SKIDA1: variants seen among roughly 807,000 people sequenced by gnomAD.
SKIDA1 encodes the protein SKI/DACH domain-containing protein 1.
A neutral mutation model predicts 51.4 loss-of-function variants in SKIDA1; 18 were observed. The observed-to-expected ratio is 0.35, with a 90% CI of 0.24 to 0.52. The LOEUF (loss-of-function observed/expected upper bound fraction) is 0.52, where lower values mean the gene tolerates loss of function less well. Among genes scored for constraint, SKIDA1 ranks in the 20% least tolerant of loss-of-function variants. The pLI is 0.95. For synonymous variants in SKIDA1, 579 were observed against 500.5 expected (o/e 1.16, Z -2.09); for missense variants, 1,104 against 1,180.6 (o/e 0.94, Z 0.95).
chr10:21,522,985 G>C (rs1225287114), intron 2 of SKIDA1, among the ~76,000 whole-genome samples: 1 of 152,186 alleles, frequency 6.6e-6, no homozygotes, highest in Non-Finnish European at 1.5e-5. Context: ...ACAAATCCTA[G>C]TGGATGAGAT....
Position 21,517,431 on chromosome 10 carries a change from A to T in SKIDA1, c.392T>A (p.Phe131Tyr). Residue 131 changes from phenylalanine to tyrosine, a missense_variant, in exon 4 of 4, where the codon TTT becomes TAT. This residue lies in a region of SKIDA1 where 938 missense variants were observed against 886.4 expected (regional missense o/e 1.06). Transcript: ENST00000449193. The surrounding 1 kb of genome is among the most constrained non-coding windows in gnomAD (Gnocchi z 6.9). ...RAAAASPRPG[F>Y]WKDKHQLWRG... ...CCAAAGTTGGTGCTTGTCCTTCCAA[A>T]ATCCCGGGCGGGGGCTGGCGGCAGC... 6.7e-7 allele frequency: 1 copy of T among 1,489,084 alleles called. No individual in the cohort carries two copies. The highest frequency in any genetic ancestry group is 8.9e-7 in the Non-Finnish European group (1 of 1,125,928). The allele number at this position is 1,489,084 out of a possible 1,614,324, so 92.2% of individuals were successfully genotyped here.
At chr10:21,521,687 T>C (rs2032400169) in intron 2 of SKIDA1, among the ~76,000 whole-genome samples, 1 of 152,222 alleles carries the variant, frequency 6.6e-6, no homozygotes, top group Non-Finnish European at 1.5e-5. Context: ...TGAGTTTAAT[T>C]AAATGTGATT....
Position 21,517,443 on chromosome 10 carries a change from G to C in SKIDA1, c.380C>G (p.Pro127Arg). ...CTTGTCCTTCCAAAATCCCGGGCGG[G>C]GGCTGGCGGCAGCGGCGCGCTCTGG... ...PPPERAAAASPRPGFWKDKHQ... is the reference protein window; with the variant it reads ...PPPERAAAASRRPGFWKDKHQ... Residue 127 changes from proline to arginine, a missense_variant, in exon 4 of 4, where the codon CCC becomes CGC. Pro to Arg is a moderately radical substitution (Grantham distance 103). Around this residue, in one of 3 missense-constraint regions of SKIDA1, gnomAD observed 938 missense variants for 886.4 expected, o/e 1.06. Coordinates refer to ENST00000449193, the MANE Select transcript of SKIDA1 (RefSeq NM_207371.4). The surrounding 1 kb of genome is among the most constrained non-coding windows in gnomAD (Gnocchi z 6.9). 6.6e-7 allele frequency: 1 copy of C among 1,503,920 alleles called. No homozygotes were observed. Among genetic ancestry groups the C allele is most frequent in the Admixed American group, 2.4e-5 (1 of 40,872 alleles). 93.2% of individuals were successfully genotyped at this position (1,503,920 alleles called of 1,614,324 possible). A position where few individuals can be genotyped will look rare whatever the true frequency, so the allele number is the denominator to read the frequency against.
At position 21,515,645 on chromosome 10, in the gene SKIDA1, C is replaced by T. The variant is rs2131270514; in HGVS notation, c.2178G>A (p.Glu726=). The T allele has an allele frequency of 6.2e-7, 1 of 1,614,040 alleles. No homozygotes were observed. The highest frequency in any genetic ancestry group is 1.6e-4 in the Middle Eastern group (1 of 6,062). The part of the protein sequence containing the change: ...GEFYSVTESK[E]EDALLTTAKE... The stretch of plus-strand genomic sequence containing the variant: ...TGGCTGTGGTTAACAAGGCGTCCTC[C>T]TCTTTACTCTCAGTCACACTGTAAA... The change falls in exon 4 of 4, where the codon GAG becomes GAA. Residue 726 remains glutamate (E), a synonymous_variant. Transcript: ENST00000449193.
chr10:21,522,266 ACCCCCCCCCCCCCCCCCC>A (rs71393906), intron 2 of SKIDA1, among the ~76,000 whole-genome samples: 3 of 30,442 alleles, frequency 9.9e-5, no homozygotes, highest in East Asian at 3.2e-3. Flanking sequence ...GATCACAGCC[ACCCCCCCCCCCCCCCCCC>A]CCCCCCCGCC....
rs1376471866 is a variant in SKIDA1, at chr10:21,523,807, A to G, written c.-2053T>C. ...CTTCTGGTTCTGTTCCCCTGGCTTC[A>G]GCCCAAATCCTTCTGGGAGCACTGG... On this transcript the variant is annotated 5_prime_UTR_variant, in exon 2 of 4. Coordinates refer to ENST00000449193, the MANE Select transcript of SKIDA1 (RefSeq NM_207371.4). 1 of 151,984 alleles carries G rather than the reference A, an allele frequency of 6.6e-6. No individual in the cohort carries two copies. The highest frequency in any genetic ancestry group is 1.5e-5 in the Non-Finnish European group (1 of 68,018). The allele number at this position is 151,984 out of a possible 1,614,324, so 9.4% of individuals were successfully genotyped here. A position where few individuals can be genotyped will look rare whatever the true frequency, so the allele number is the denominator to read the frequency against.
chr10:21,518,134 T>G lies in SKIDA1; in HGVS notation c.-312A>C. The G allele has an allele frequency of 3.3e-6, 1 of 301,172 alleles. No homozygotes were observed. The highest frequency in any genetic ancestry group is 6.6e-6 in the Non-Finnish European group (1 of 151,848). The allele number at this position is 301,172 out of a possible 1,614,324, so 18.7% of individuals were successfully genotyped here. A position where few individuals can be genotyped will look rare whatever the true frequency, so the allele number is the denominator to read the frequency against. Reference sequence around the variant, plus strand: ...CCAGTGTGTTGGTCTGAGTCCCCGATGCAGATCAGTACCTGGGCCCCTCTA... The same window carrying G: ...CCAGTGTGTTGGTCTGAGTCCCCGAGGCAGATCAGTACCTGGGCCCCTCTA... On this transcript the variant is annotated 5_prime_UTR_variant, in exon 4 of 4. Coordinates refer to ENST00000449193, the MANE Select transcript of SKIDA1 (RefSeq NM_207371.4).
In SKIDA1 at chr10:21,516,776, G is replaced by A; in HGVS notation, c.1047C>T (p.His349=). ...HHHHHHHHHH[H]HHRAQPPQQS... ...GCTGCGGCGGCTGGGCCCGGTGGTG[G>A]TGGTGGTGGTGGTGATGGTGGTGGT... The change falls in exon 4 of 4, where the codon CAC becomes CAT. Residue 349 remains histidine (H), a synonymous_variant. Transcript: ENST00000449193. The surrounding 1 kb of genome is among the most constrained non-coding windows in gnomAD (Gnocchi z 5.7). 6.5e-7 allele frequency: 1 copy of A among 1,540,848 alleles called. No individual in the cohort carries two copies. The highest frequency in any genetic ancestry group is 8.7e-7 in the Non-Finnish European group (1 of 1,144,360).
Position 21,517,893 on chromosome 10 carries a change from G to A in SKIDA1, c.-71C>T, listed in dbSNP as rs1279290452. 3.8e-5 allele frequency: 52 copies of A among 1,355,612 alleles called. No homozygotes were observed. Among genetic ancestry groups the A allele is most frequent in the Non-Finnish European group, 7.0e-6 (7 of 1,004,940 alleles). 84.0% of individuals were successfully genotyped at this position (1,355,612 alleles called of 1,614,324 possible). ...GACGCATACATACACATGTATGTAT[G>A]TTAATCCTCAGCCAGATGCTGCGTG... On this transcript the variant is annotated 5_prime_UTR_variant, in exon 4 of 4. Coordinates refer to ENST00000449193, the MANE Select transcript of SKIDA1 (RefSeq NM_207371.4). This position sits in a 1 kb window ranked among gnomAD's most constrained non-coding sequence, Gnocchi z 6.9.
chr10:21,521,214 C>T (rs977083508), intron 3 of SKIDA1, among the ~76,000 whole-genome samples, 175 bp downstream of exon 3: 1 of 152,126 alleles, frequency 6.6e-6, no homozygotes, highest in African/African-American at 2.4e-5. Context: ...AGCGCTCACA[C>T]ATGAAAGGCA....
At position 21,518,655 on chromosome 10, in the gene SKIDA1, A is replaced by G. The variant is rs539449438; in HGVS notation, c.-833T>C. 57 of 167,058 alleles carry G rather than the reference A, an allele frequency of 3.4e-4. No homozygotes were observed. Among genetic ancestry groups the G allele is most frequent in the Non-Finnish European group, 5.4e-4 (37 of 68,114 alleles). The allele number at this position is 167,058 out of a possible 1,614,324, so 10.3% of individuals were successfully genotyped here. On this transcript the variant is annotated 5_prime_UTR_variant, in exon 4 of 4. Coordinates refer to ENST00000449193, the MANE Select transcript of SKIDA1 (RefSeq NM_207371.4). ...TCATTTCAAAGAAAAGCATTTAAAA[A>G]ACATTATCAAGCCGAAAGAGAGATA...
In SKIDA1 at chr10:21,515,901, C is replaced by A; in HGVS notation, c.1922G>T (p.Cys641Phe). The change falls in exon 4 of 4, where the codon TGT becomes TTT. Residue 641 changes from cysteine to phenylalanine, a missense_variant. By Grantham distance (205) the Cys-to-Phe change is radical (BLOSUM62 -2). Around this residue, in one of 3 missense-constraint regions of SKIDA1, gnomAD observed 938 missense variants for 886.4 expected, o/e 1.06. Coordinates refer to ENST00000449193, the MANE Select transcript of SKIDA1 (RefSeq NM_207371.4). The part of the protein sequence containing the change: ...NSEKYSKILH[C>F]PEFATDLPSS... ...GGGCAAATCCGTAGCAAATTCAGGA[C>A]AATGAAGGATTTTGGAATATTTTTC... 1 of 1,613,994 alleles carries A rather than the reference C, an allele frequency of 6.2e-7. No homozygotes were observed. The highest frequency in any genetic ancestry group is 1.1e-5 in the South Asian group (1 of 91,080).
At chr10:21,524,603 G>T (rs1028173704) in intron 1 of SKIDA1, 2 of 85,512 alleles carry the variant, frequency 2.3e-5, no homozygotes, top group African/African-American at 7.0e-5. Flanking sequence ...GGGGGGGGGG[G>T]GGGCTACAGC....
At chr10:21,522,759 T>A (rs1043396747) in intron 2 of SKIDA1, among the ~76,000 whole-genome samples, 1 of 152,220 alleles carries the variant, frequency 6.6e-6, no homozygotes, top group Admixed American at 6.5e-5. Flanking sequence ...ACCCTGTCTT[T>A]AACAGAAGTT....
At chr10:21,522,265 CA>C (rs2032419399) in intron 2 of SKIDA1, among the ~76,000 whole-genome samples, 3 of 16,056 alleles carry the variant, frequency 1.9e-4, no homozygotes, top group South Asian at 2.9e-3. Context: ...GGATCACAGC[CA>C]CCCCCCCCCC....
Position 21,517,402 on chromosome 10 carries a change from C to G in SKIDA1, c.421G>C (p.Gly141Arg). ...FWKDKHQLWR[G>R]LSGAARPLPI... ...AGGGGCCGCGCGGCTCCGCTCAGGC[C>G]CCGCCAAAGTTGGTGCTTGTCCTTC... is the stretch of plus-strand genomic sequence containing the variant. The change falls in exon 4 of 4, where the codon GGC becomes CGC. Residue 141 changes from glycine (G) to arginine (R), a missense_variant. By Grantham distance (125) the Gly-to-Arg change is moderately radical (BLOSUM62 -2). Transcript: ENST00000449193. The surrounding 1 kb of genome is among the most constrained non-coding windows in gnomAD (Gnocchi z 6.9). 6.8e-7 allele frequency: 1 copy of G among 1,460,668 alleles called. No individual in the cohort carries two copies. 90.5% of individuals were successfully genotyped at this position (1,460,668 alleles called of 1,614,324 possible).
At position 21,516,352 on chromosome 10, in the gene SKIDA1, C is replaced by G; in HGVS notation, c.1471G>C (p.Ala491Pro). Reference sequence around the variant, plus strand: ...AAAGCAGCGGGTTTGGTTGCAGCGGCGGCGGAGGCCAGATGGTACAAGAAG... The same window carrying G: ...AAAGCAGCGGGTTTGGTTGCAGCGGGGGCGGAGGCCAGATGGTACAAGAAG... The part of the protein sequence containing the change: ...ANFLYHLASA[A>P]AATKPAAFED... The change falls in exon 4 of 4, where the codon GCC becomes CCC. Residue 491 changes from alanine to proline, a missense_variant. Ala to Pro is a conservative substitution (Grantham distance 27). Coordinates refer to ENST00000449193, the MANE Select transcript of SKIDA1 (RefSeq NM_207371.4). The surrounding 1 kb of genome is among the most constrained non-coding windows in gnomAD (Gnocchi z 5.7). The G allele has an allele frequency of 6.2e-7, 1 of 1,613,432 alleles. No homozygotes were observed. Among genetic ancestry groups the G allele is most frequent in the Admixed American group, 1.7e-5 (1 of 60,026 alleles).
Position 21,517,593 on chromosome 10 carries a change from G to C in SKIDA1, c.230C>G (p.Ala77Gly), listed in dbSNP as rs2032283367. The C allele has an allele frequency of 6.2e-7, 1 of 1,613,610 alleles. No homozygotes were observed. Reference protein sequence around the residue: ...LKAINSIAFHAAKCTLISRED... With the variant: ...LKAINSIAFHGAKCTLISRED... The stretch of plus-strand genomic sequence containing the variant: ...CCGGGAGATGAGCGTGCATTTGGCG[G>C]CGTGGAAGGCGATGCTGTTAATTGC... The change falls in exon 4 of 4, where the codon GCC becomes GGC. Residue 77 changes from alanine to glycine, a missense_variant. Coordinates refer to ENST00000449193, the MANE Select transcript of SKIDA1 (RefSeq NM_207371.4). This position sits in a 1 kb window ranked among gnomAD's most constrained non-coding sequence, Gnocchi z 6.9.
In SKIDA1 at chr10:21,516,857, G is replaced by T; in HGVS notation, c.966C>A (p.Cys322Ter). 1 of 1,359,446 alleles carries T rather than the reference G, an allele frequency of 7.4e-7. No individual in the cohort carries two copies. The allele number at this position is 1,359,446 out of a possible 1,614,324, so 84.2% of individuals were successfully genotyped here. ...AAAAAAAGAT[C>*]LERFHLVNGF... ...CGTTGACCAGATGAAACCTCTCCAG[G>T]CAAGTGGCCCCCGCGGCGGCCGCCG... is the stretch of plus-strand genomic sequence containing the variant. The change falls in exon 4 of 4, where the codon TGC becomes TGA. Residue 322 changes from cysteine to a stop codon, truncating the protein, a stop_gained. Coordinates refer to ENST00000449193, the MANE Select transcript of SKIDA1 (RefSeq NM_207371.4). LOFTEE classifies it high-confidence loss of function. This position sits in a 1 kb window ranked among gnomAD's most constrained non-coding sequence, Gnocchi z 5.7.
Sources: allele counts gnomAD v4.1 joint callset (sites outside exome capture counted in the v4.1 genomes callset), GRCh38; gene constraint gnomAD v4.1.1; regional missense constraint gnomAD v4.1.1; non-coding constraint Gnocchi (gnomAD v3.1); transcripts MANE v1.5; gene names NCBI Gene and HGNC (gene_info 2026-07-23, HGNC 2026-07-21).